AUTS2: variants seen among roughly 807,000 people sequenced by gnomAD.
AUTS2 encodes activator of transcription and developmental regulator AUTS2, also known as autism susceptibility gene 2 protein.
In AUTS2, 17 loss-of-function variants were observed where a neutral mutation model predicts 112.4. The ratio of observed to expected loss-of-function variants is 0.15; its 90% CI spans 0.10 to 0.23. The LOEUF is 0.23. Ranked by LOEUF, AUTS2 falls within the 10% of genes least tolerant of loss-of-function variation. The pLI, the probability that AUTS2 is intolerant of heterozygous loss-of-function variation, is 1.00. For missense variants in AUTS2, 1,510 were observed against 1,701.6 expected, an observed-to-expected ratio of 0.89 and a Z score of 1.98; for synonymous variants, 751 against 702.7, an observed-to-expected ratio of 1.07 and a Z score of -1.09.
At chr7:70,501,139 T>A (rs1353735121) in intron 5 of AUTS2, among the ~76,000 whole-genome samples, 1 of 152,276 alleles carries the variant, frequency 6.6e-6, no homozygotes, top group Non-Finnish European at 1.5e-5. Flanking sequence ...ATTTCGTGAA[T>A]GTGTATTTTA....
chr7:70,164,981 T>A (rs1755657158), intron 4 of AUTS2, among the ~76,000 whole-genome samples: 1 of 152,146 alleles, frequency 6.6e-6, no homozygotes, highest in Non-Finnish European at 1.5e-5. Flanking sequence ...GTGGACAATA[T>A]ACATAAATCG....
At chr7:69,922,684 C>T (rs1795860921) in intron 2 of AUTS2, among the ~76,000 whole-genome samples, 1 of 152,214 alleles carries the variant, frequency 6.6e-6, no homozygotes, top group Non-Finnish European at 1.5e-5. Context: ...TCTCTCCTTA[C>T]ACATTTCGAC....
At chr7:69,913,510 G>A (rs1426042412) in intron 2 of AUTS2, among the ~76,000 whole-genome samples, 4 of 152,178 alleles carry the variant, frequency 2.6e-5, no homozygotes, top group South Asian at 4.2e-4. Context: ...TGAGCTCCTC[G>A]AGGACCTCAC....
In AUTS2 at chr7:69,599,544, G is replaced by T; in HGVS notation, c.-110G>T. On this transcript the variant is annotated 5_prime_UTR_variant, in exon 1 of 19. Transcript: ENST00000342771. The surrounding 1 kb of genome is among the most constrained non-coding windows in gnomAD (Gnocchi z 7.0). ...CCGTCTCCCCCGCGCCCTCCTCGGGGCGGAGGGAAGCCGTGAAGGGGGAGG... is the reference window on the plus strand; with the variant it reads ...CCGTCTCCCCCGCGCCCTCCTCGGGTCGGAGGGAAGCCGTGAAGGGGGAGG... 1.9e-6 allele frequency: 2 copies of T among 1,073,306 alleles called. No homozygotes were observed. The highest frequency in any genetic ancestry group is 2.4e-6 in the Non-Finnish European group (2 of 848,740). 66.5% of individuals were successfully genotyped at this position (1,073,306 alleles called of 1,614,324 possible).
At chr7:69,735,446 C>T (rs1218318699) in intron 1 of AUTS2, among the ~76,000 whole-genome samples, 2 of 152,172 alleles carry the variant, frequency 1.3e-5, no homozygotes, top group Non-Finnish European at 2.9e-5. Flanking sequence ...ACAGGTTTAA[C>T]AGAAGGGACC....
chr7:70,733,820 C>T (rs2129553083), intron 6 of AUTS2, among the ~76,000 whole-genome samples: 1 of 152,186 alleles, frequency 6.6e-6, no homozygotes, highest in Non-Finnish European at 1.5e-5. Flanking sequence ...CTCCTGACCT[C>T]AAGTAATCCT....
intron 5 of AUTS2, among the ~76,000 whole-genome samples, chr7:70,484,173 A>G (rs2116261497): frequency 6.6e-6 from 1 of 152,340 alleles, no homozygotes; most frequent in South Asian, 2.1e-4. Flanking sequence ...TATGACATTG[A>G]TTAAACATCT....
At chr7:70,223,877 G>A (rs991292625) in intron 4 of AUTS2, among the ~76,000 whole-genome samples, 1 of 139,878 alleles carries the variant, frequency 7.1e-6, no homozygotes, top group Non-Finnish European at 1.6e-5. Flanking sequence ...TGGTTGGTTT[G>A]TTTCTTAGAA....
chr7:70,179,990 A>G (rs190224364), intron 4 of AUTS2, among the ~76,000 whole-genome samples: 1 of 152,280 alleles, frequency 6.6e-6, no homozygotes, highest in Admixed American at 6.5e-5. Flanking sequence ...TGCTAACAGA[A>G]AAAAGTAGGG....
At chr7:70,277,966 G>A (rs1383131003) in intron 4 of AUTS2, among the ~76,000 whole-genome samples, 5 of 147,292 alleles carry the variant, frequency 3.4e-5, no homozygotes, top group African/African-American at 7.6e-5. Context: ...GTATGTGTGT[G>A]TGTGTGTGTG....
intron 14 of AUTS2, among the ~76,000 whole-genome samples, chr7:70,779,356 G>T (rs1790915346): frequency 6.6e-6 from 1 of 152,196 alleles, no homozygotes; most frequent in African/African-American, 2.4e-5. Flanking sequence ...ACGCCTGCAG[G>T]TTCCTTACTG....
At chr7:70,377,319 AATATAAATATATATATATATATATAT>A (rs1205926916) in intron 4 of AUTS2, among the ~76,000 whole-genome samples, 4 of 77,014 alleles carry the variant, frequency 5.2e-5, no homozygotes, top group African/African-American at 1.9e-4. Flanking sequence ...CAAACAAACA[AATATAAATATATATATATATATATAT>A]ATATATATAT....
At chr7:70,647,908 T>C (rs1042095221) in intron 5 of AUTS2, among the ~76,000 whole-genome samples, 22 of 152,134 alleles carry the variant, frequency 1.4e-4, no homozygotes, top group African/African-American at 5.1e-4. Flanking sequence ...TTGTACTGAT[T>C]AGTTTCATCT....
intron 2 of AUTS2, among the ~76,000 whole-genome samples, chr7:70,079,826 A>G (rs1346798628): frequency 6.6e-6 from 1 of 152,156 alleles, no homozygotes; most frequent in African/African-American, 2.4e-5. Flanking sequence ...TTTATAAGCA[A>G]TAGAAGTTTA....
At chr7:70,281,688 A>G (rs1788222315) in intron 4 of AUTS2, among the ~76,000 whole-genome samples, 1 of 152,016 alleles carries the variant, frequency 6.6e-6, no homozygotes, top group Admixed American at 6.5e-5. Flanking sequence ...TGTTGTAAAC[A>G]TTTAATATTT....
chr7:69,923,556 A>G (rs1795895796), intron 2 of AUTS2, among the ~76,000 whole-genome samples: 1 of 152,182 alleles, frequency 6.6e-6, no homozygotes. Flanking sequence ...GGGAGAATTG[A>G]CAGTTTAAAA....
intron 1 of AUTS2, among the ~76,000 whole-genome samples, chr7:69,654,571 A>C (rs1795436529): frequency 6.6e-6 from 1 of 152,200 alleles, no homozygotes; most frequent in Non-Finnish European, 1.5e-5. Context: ...GAGGTTCAAT[A>C]ACATGCCATT....
chr7:70,649,991 G>T (rs1806409332), intron 5 of AUTS2, among the ~76,000 whole-genome samples: 1 of 152,154 alleles, frequency 6.6e-6, no homozygotes, highest in Admixed American at 6.6e-5. Context: ...TGGCAGGGGG[G>T]CGGGTGTGAG....
intron 5 of AUTS2, among the ~76,000 whole-genome samples, chr7:70,684,234 T>G (rs1808344807): frequency 1.3e-5 from 2 of 152,190 alleles, no homozygotes; most frequent in African/African-American, 4.8e-5. Context: ...AGGTAACGTT[T>G]CCAGGAGGAG....
Sources: allele counts gnomAD v4.1 joint callset (sites outside exome capture counted in the v4.1 genomes callset), GRCh38; gene constraint gnomAD v4.1.1; non-coding constraint Gnocchi (gnomAD v3.1); transcripts MANE v1.5; gene names NCBI Gene and HGNC (gene_info 2026-07-23, HGNC 2026-07-21).